MDGA1: variants seen among roughly 807,000 people sequenced by gnomAD.
The protein encoded by MDGA1 is MAM domain containing glycosylphosphatidylinositol anchor 1, also known as MAM domain-containing glycosylphosphatidylinositol anchor protein 1.
MDGA1 carries 54 observed loss-of-function variants against 101.5 expected under a neutral mutation model. The ratio of observed to expected loss-of-function variants is 0.53; its 90% CI spans 0.43 to 0.67. The LOEUF (loss-of-function observed/expected upper bound fraction) is 0.67, where lower values mean the gene tolerates loss of function less well. Ranked by LOEUF, MDGA1 falls within the 30% of genes least tolerant of loss-of-function variation. The pLI, the probability that MDGA1 is intolerant of heterozygous loss-of-function variation, is 0.00. For synonymous variants in MDGA1, 533 were observed against 558.3 expected, an observed-to-expected ratio of 0.95 and a Z score of 0.64; for missense variants, 1,083 against 1,323.8, an observed-to-expected ratio of 0.82 and a Z score of 2.82.
chr6:37,667,478 A>G (rs1314220715), intron 1 of MDGA1, among the ~76,000 whole-genome samples: 3 of 152,176 alleles, frequency 2.0e-5, no homozygotes, highest in Admixed American at 6.5e-5. Context: ...CCTATATAAG[A>G]TGCACTCTAG....
At chr6:37,680,996 G>GCCC (rs61618174) in intron 1 of MDGA1, among the ~76,000 whole-genome samples, 45 of 145,380 alleles carry the variant, frequency 3.1e-4, no homozygotes, top group East Asian at 4.2e-4. Flanking sequence ...TTCCTCCTCA[G>GCCC]CCCCCCCCCC....
In MDGA1 at chr6:37,654,191, T is replaced by C. The variant is rs1011147033; in HGVS notation, c.982+83A>G. 67 of 1,432,012 alleles carry C rather than the reference T, an allele frequency of 4.7e-5. No homozygotes were observed. In the African/African-American group the frequency reaches 8.6e-4, roughly 18 times the overall value. The allele number at this position is 1,432,012 out of a possible 1,614,324, so 88.7% of individuals were successfully genotyped here. The stretch of plus-strand genomic sequence containing the variant: ...ACCAAGGAGAAGCAGACAGGCCCCT[T>C]TCCTAGTTCATTGGTAGCTCCCAAA... On this transcript the variant is annotated intron_variant, in intron 6 of 16. Transcript: ENST00000434837.
intron 1 of MDGA1, among the ~76,000 whole-genome samples, chr6:37,675,508 C>T (rs912158935): frequency 2.0e-5 from 3 of 152,034 alleles, no homozygotes; most frequent in African/African-American, 7.3e-5. Context: ...AATGTGAAAC[C>T]GAATGAGGTC....
At chr6:37,651,270 A>T (rs767643543) in intron 7 of MDGA1, among the ~76,000 whole-genome samples, 1 of 152,222 alleles carries the variant, frequency 6.6e-6, no homozygotes, top group Non-Finnish European at 1.5e-5. Context: ...ACTTAATTCA[A>T]CCCAACACAT....
At chr6:37,688,164 A>T (rs1762236975) in intron 1 of MDGA1, among the ~76,000 whole-genome samples, 1 of 152,272 alleles carries the variant, frequency 6.6e-6, no homozygotes, top group East Asian at 1.9e-4. Context: ...GGAAGAAGAC[A>T]TCTGTTTTGG....
chr6:37,679,496 AT>A (rs1762048690), intron 1 of MDGA1, among the ~76,000 whole-genome samples: 1 of 152,146 alleles, frequency 6.6e-6, no homozygotes, highest in African/African-American at 2.4e-5. Flanking sequence ...CAAAAGGAAA[AT>A]GGGAGGAGGA....
Position 37,652,056 on chromosome 6 carries a change from G to A in MDGA1, c.1267C>T (p.Pro423Ser), listed in dbSNP as rs1581857962. The A allele has an allele frequency of 1.9e-6, 3 of 1,611,352 alleles. No individual in the cohort carries two copies. The East Asian group carries it at 6.7e-5, about 36-fold the overall frequency. ...ACCTCGACGCTGAGGTCGGGCACGG[G>A]TGCCCCTGGGAAAGAAGCCATGCAC... is the stretch of plus-strand genomic sequence containing the variant. ...YLCMASFPGA[P>S]VPDLSVEVNI... The change falls in exon 7 of 17, where the codon CCC becomes TCC. Residue 423 changes from proline (P) to serine (S), a missense_variant. Transcript: ENST00000434837. The surrounding 1 kb of genome is among the most constrained non-coding windows in gnomAD (Gnocchi z 4.3).
At chr6:37,689,558 G>A (rs1762266849) in intron 1 of MDGA1, among the ~76,000 whole-genome samples, 1 of 152,222 alleles carries the variant, frequency 6.6e-6, no homozygotes, top group Non-Finnish European at 1.5e-5. Context: ...TCTGACAAGC[G>A]GAGAAGCCAC....
chr6:37,644,246 T>G (rs1764167974), intron 13 of MDGA1, among the ~76,000 whole-genome samples: 1 of 152,144 alleles, frequency 6.6e-6, no homozygotes, highest in African/African-American at 2.4e-5. Flanking sequence ...CCTCTTCCTC[T>G]TGATCCTCTA....
intron 1 of MDGA1, among the ~76,000 whole-genome samples, chr6:37,684,520 G>C (rs998255429): frequency 6.6e-6 from 1 of 152,224 alleles, no homozygotes; most frequent in African/African-American, 2.4e-5. Flanking sequence ...CCTGGGAGGT[G>C]ACACAGGAGA....
chr6:37,694,863 T>C (rs1762384522), intron 1 of MDGA1, among the ~76,000 whole-genome samples: 1 of 151,986 alleles, frequency 6.6e-6, no homozygotes, highest in Non-Finnish European at 1.5e-5. Flanking sequence ...AAATGGGACC[T>C]AGGCACAGGC....
rs777023834 is a variant in MDGA1, at chr6:37,664,056, C to T, written c.118G>A (p.Glu40Lys). The change falls in exon 2 of 17, where the codon GAG (glutamate) becomes AAG (lysine). Residue 40 changes from glutamate to lysine, a missense_variant. Glu to Lys is a moderately conservative substitution (Grantham distance 56). Coordinates refer to ENST00000434837, the MANE Select transcript of MDGA1 (RefSeq NM_153487.4). ...TAGACACGCTCGCTGATATTGTCCT[C>T]TTTCACCACACATGCCTGGCCCGCA... ...VHAGQACVVK[E>K]DNISERVYTI... 2 of 1,613,958 alleles carry T rather than the reference C, an allele frequency of 1.2e-6. No homozygotes were observed. The highest frequency in any genetic ancestry group is 1.7e-6 in the Non-Finnish European group (2 of 1,179,874).
intron 2 of MDGA1, among the ~76,000 whole-genome samples, chr6:37,662,326 G>A (rs750819169): frequency 5.9e-5 from 9 of 152,130 alleles, no homozygotes; most frequent in South Asian, 4.2e-4. Flanking sequence ...AAAGAAAGGC[G>A]TGCCAGTACA....
At chr6:37,667,725 T>C (rs1320178269) in intron 1 of MDGA1, among the ~76,000 whole-genome samples, 1 of 152,226 alleles carries the variant, frequency 6.6e-6, no homozygotes, top group African/African-American at 2.4e-5. Flanking sequence ...AGCTGTAATC[T>C]TGGACACTGT....
In MDGA1 at chr6:37,631,655, T is replaced by G. The variant is rs919116712; in HGVS notation, c.*5713A>C. 1 of 152,174 alleles carries G rather than the reference T, an allele frequency of 6.6e-6. No homozygotes were observed. Among genetic ancestry groups the G allele is most frequent in the Non-Finnish European group, 1.5e-5 (1 of 68,044 alleles). The allele number at this position is 152,174 out of a possible 1,614,324, so 9.4% of individuals were successfully genotyped here. On this transcript the variant is annotated 3_prime_UTR_variant, in exon 17 of 17. Transcript: ENST00000434837. Reference sequence around the variant, plus strand: ...CTTTGCAAATGCTCATCACTGCCTATCCCCATGACCTTGGCAAGCCCATCT... The same window carrying G: ...CTTTGCAAATGCTCATCACTGCCTAGCCCCATGACCTTGGCAAGCCCATCT...
chr6:37,674,196 C>T (rs908283476), intron 1 of MDGA1, among the ~76,000 whole-genome samples: 14 of 152,204 alleles, frequency 9.2e-5, no homozygotes, highest in African/African-American at 3.4e-4. Context: ...TTCAGCCAAC[C>T]TTCCCTTTGG....
intron 1 of MDGA1, among the ~76,000 whole-genome samples, chr6:37,666,501 C>T (rs1167058068): frequency 5.9e-5 from 9 of 152,100 alleles, no homozygotes; most frequent in African/African-American, 1.7e-4. Context: ...CTCCAGGAAA[C>T]GTCCCATCAG....
rs1761198673 is a variant in MDGA1 at position 37,646,375 on chromosome 6, A to G, written c.2047T>C (p.Leu683=). ...VLNYRLSIRQ[L]NQHNAVVKAI... ...TTGACCACCGCATTGTGCTGGTTCA[A>G]CTGTTAAGTACAGAGAGTTCCCAGA... Residue 683 remains leucine (L), a splice_region_variant and synonymous_variant, in exon 11 of 17, where the codon TTG becomes CTG. Transcript: ENST00000434837. The G allele has an allele frequency of 1.3e-6, 2 of 1,495,464 alleles. No homozygotes were observed. Among genetic ancestry groups the G allele is most frequent in the Non-Finnish European group, 1.8e-6 (2 of 1,116,304 alleles). The allele number at this position is 1,495,464 out of a possible 1,614,324, so 92.6% of individuals were successfully genotyped here.
intron 14 of MDGA1, chr6:37,639,417 G>A (rs1391188976): frequency 6.6e-6 from 1 of 152,326 alleles, no homozygotes; most frequent in African/African-American, 2.4e-5. Flanking sequence ...TGCTGCGGAG[G>A]GGACCCCTGT....
Sources: gnomAD v4.1 joint callset for allele counts (sites outside exome capture counted in the v4.1 genomes callset) on GRCh38, gnomAD v4.1.1 for gene constraint, Gnocchi (gnomAD v3.1) non-coding constraint, MANE v1.5 for transcripts, NCBI Gene and HGNC (gene_info 2026-07-23, HGNC 2026-07-21) for gene names.